The following EFR3B variants were observed in gnomAD, a reference collection of about 807,000 sequenced individuals.
EFR3B encodes protein EFR3 homolog B.
EFR3B carries 64 observed loss-of-function variants against 104.7 expected under a neutral mutation model. The observed-to-expected ratio is 0.61, with a 90% CI of 0.50 to 0.75. EFR3B has a LOEUF of 0.75. Among genes scored for constraint, EFR3B ranks in the 30% least tolerant of loss-of-function variants. The pLI, the probability that EFR3B is intolerant of heterozygous loss-of-function variation, is 0.00. For missense variants in EFR3B, 750 were observed against 1,078.5 expected (o/e 0.70, Z 4.27); for synonymous variants, 385 against 417.9 (o/e 0.92, Z 0.96).
intron 1 of EFR3B, among the ~76,000 whole-genome samples, chr2:25,074,985 G>A (rs541988468): frequency 6.6e-4 from 101 of 152,218 alleles, no homozygotes; most frequent in Non-Finnish European, 1.1e-3. Flanking sequence ...AAAGAAATGC[G>A]CAGAGAGGTC....
chr2:25,107,201 G>T (rs1669588377), intron 4 of EFR3B, among the ~76,000 whole-genome samples: 1 of 152,108 alleles, frequency 6.6e-6, no homozygotes, highest in Non-Finnish European at 1.5e-5. Flanking sequence ...ATTCCAAAGT[G>T]TGGCACCCAG....
intron 1 of EFR3B, among the ~76,000 whole-genome samples, chr2:25,055,472 C>T (rs549255584): frequency 1.1e-4 from 17 of 152,240 alleles, no homozygotes; most frequent in East Asian, 3.9e-4. Context: ...TGGATTCAAA[C>T]GCTAACTGTC....
chr2:25,067,423 T>C (rs1301566978), intron 1 of EFR3B, among the ~76,000 whole-genome samples: 1 of 144,234 alleles, frequency 6.9e-6, no homozygotes, highest in Admixed American at 6.8e-5. Context: ...CTTTTTAGTT[T>C]TTGTTTTTTT....
At chr2:25,049,952 TAAAAAAAAAA>T (rs59279308) in intron 1 of EFR3B, among the ~76,000 whole-genome samples, 1 of 104,868 alleles carries the variant, frequency 9.5e-6, no homozygotes, top group African/African-American at 3.5e-5. Context: ...ACATTTCTAC[TAAAAAAAAAA>T]AAAAAAAAAA....
chr2:25,118,124 C>T (rs574378783), intron 4 of EFR3B, among the ~76,000 whole-genome samples: 5 of 152,234 alleles, frequency 3.3e-5, no homozygotes, highest in East Asian at 1.9e-4. Flanking sequence ...GGATTACAGG[C>T]GCGTACCGCC....
In EFR3B at chr2:25,137,643, C is replaced by A; in HGVS notation, c.1722+141C>A. ...AATATTGTACTCGTGGTTGGCCACG[C>A]CTCCCTGAAGACCCCAAACCATGGT... On this transcript the variant is annotated intron_variant, in intron 15 of 22. Coordinates refer to ENST00000403714, the MANE Select transcript of EFR3B (RefSeq NM_014971.2). The surrounding 1 kb of genome is among the most constrained non-coding windows in gnomAD (Gnocchi z 4.7). 1 of 1,255,168 alleles carries A rather than the reference C, an allele frequency of 8.0e-7. No individual in the cohort carries two copies. The highest frequency in any genetic ancestry group is 1.1e-6 in the Non-Finnish European group (1 of 915,700). The allele number at this position is 1,255,168 out of a possible 1,614,324, so 77.8% of individuals were successfully genotyped here. A position where few individuals can be genotyped will look rare whatever the true frequency, so the allele number is the denominator to read the frequency against.
At chr2:25,103,602 G>A in intron 3 of EFR3B, 35 bp from the exon 4 acceptor site, 1 of 1,537,546 alleles carries the variant, frequency 6.5e-7, no homozygotes, top group Non-Finnish European at 8.8e-7. Flanking sequence ...GGTGGCAGGG[G>A]CGCGGCCAGT....
rs1669796206 is a variant in EFR3B, at chr2:25,114,051, C to T, written c.364-7622C>T. 6.6e-6 allele frequency among the ~76,000 whole-genome samples: 1 copy of T among 152,214 alleles called. No individual in the cohort carries two copies. Among genetic ancestry groups the T allele is most frequent in the Non-Finnish European group, 1.5e-5 (1 of 68,032 alleles). On this transcript the variant is annotated intron_variant, in intron 4 of 22. Transcript: ENST00000403714. The surrounding 1 kb of genome is among the most constrained non-coding windows in gnomAD (Gnocchi z 4.0). ...TTTAAGAGGGAAAAGGGCTTACTCG[C>T]TCTAAAACCGGAGAGTCCCAACCTC... is the stretch of plus-strand genomic sequence containing the variant.
intron 5 of EFR3B, among the ~76,000 whole-genome samples, chr2:25,125,741 G>A (rs893070644): frequency 6.6e-6 from 1 of 152,182 alleles, no homozygotes; most frequent in Non-Finnish European, 1.5e-5. Flanking sequence ...AAGGTCAGCA[G>A]ATCGAGACCA....
In EFR3B at chr2:25,085,654, G is replaced by A. The variant is rs1483526201; in HGVS notation, c.8-5671G>A. On this transcript the variant is annotated intron_variant, in intron 1 of 22. Transcript: ENST00000403714. Reference sequence around the variant, plus strand: ...TAATTTTTGTATTTTTAGTAGAAACGAGATTTCACCATGTTGGCCAGGCTG... The same window carrying A: ...TAATTTTTGTATTTTTAGTAGAAACAAGATTTCACCATGTTGGCCAGGCTG... Among the ~76,000 whole-genome samples, 4 of 151,932 alleles carry A rather than the reference G, an allele frequency of 2.6e-5. No individual in the cohort carries two copies. The South Asian group carries it at 8.3e-4, about 32-fold the overall frequency.
chr2:25,071,992 T>C (rs1177178762), intron 1 of EFR3B, among the ~76,000 whole-genome samples: 1 of 152,208 alleles, frequency 6.6e-6, no homozygotes, highest in Non-Finnish European at 1.5e-5. Context: ...GTTCCTCTTG[T>C]TTCTTACGGC....
chr2:25,079,197 A>G (rs1037417224), intron 1 of EFR3B, among the ~76,000 whole-genome samples: 2 of 152,192 alleles, frequency 1.3e-5, no homozygotes, highest in African/African-American at 4.8e-5. Flanking sequence ...AAGCAAACTA[A>G]ATTAAATATT....
At chr2:25,080,102 C>A (rs1668750327) in intron 1 of EFR3B, 2 of 986,316 alleles carry the variant, frequency 2.0e-6, no homozygotes, top group East Asian at 4.8e-5. Context: ...ATTTCCACAT[C>A]TTTTACTGCC....
rs1670134604 is a variant in EFR3B, at chr2:25,125,350, G to C, written c.486-2833G>C. Among the ~76,000 whole-genome samples the C allele has an allele frequency of 4.6e-5, 7 of 152,362 alleles. 1 individual carries two copies. The South Asian group carries it at 1.4e-3, about 32-fold the overall frequency. On this transcript the variant is annotated intron_variant, in intron 5 of 22. Transcript: ENST00000403714. Reference sequence around the variant, plus strand: ...CACTTGGACGGGACAAACGAGTCCAGCATGCTGGGGATGTGTGTCACTTGT... The same window carrying C: ...CACTTGGACGGGACAAACGAGTCCACCATGCTGGGGATGTGTGTCACTTGT...
intron 4 of EFR3B, among the ~76,000 whole-genome samples, chr2:25,113,448 C>T (rs1669776466): frequency 6.6e-6 from 1 of 152,004 alleles, no homozygotes. Context: ...CACTCCTGAC[C>T]TTGTGGTCAG....
intron 19 of EFR3B, among the ~76,000 whole-genome samples, chr2:25,149,176 C>T (rs948523665): frequency 2.0e-5 from 3 of 151,688 alleles, no homozygotes; most frequent in Admixed American, 1.3e-4. Flanking sequence ...TGGTGAAACC[C>T]GTCTCTACTA....
intron 1 of EFR3B, among the ~76,000 whole-genome samples, chr2:25,061,049 C>T (rs946354902): frequency 6.6e-6 from 1 of 152,118 alleles, no homozygotes. Flanking sequence ...CAGACATATT[C>T]CACAGAAGAG....
rs1008812605 is a variant in EFR3B at position 25,130,457 on chromosome 2, C to T, written c.771-95C>T. ...CCTCACCCGGGAACTGTGCGAGGGG[C>T]TCTGAGAAGGTGTCCCTCTGCCTCC... is the stretch of plus-strand genomic sequence containing the variant. On this transcript the variant is annotated intron_variant, in intron 7 of 22. Transcript: ENST00000403714. The surrounding 1 kb of genome is among the most constrained non-coding windows in gnomAD (Gnocchi z 4.6). The T allele has an allele frequency of 2.8e-5, 31 of 1,113,584 alleles. No individual in the cohort carries two copies. Among genetic ancestry groups the T allele is most frequent in the Non-Finnish European group, 3.6e-5 (27 of 747,944 alleles). The allele number at this position is 1,113,584 out of a possible 1,614,324, so 69.0% of individuals were successfully genotyped here. A position where few individuals can be genotyped will look rare whatever the true frequency, so the allele number is the denominator to read the frequency against.
chr2:25,054,157 T>G (rs1667957184), intron 1 of EFR3B, among the ~76,000 whole-genome samples: 1 of 152,144 alleles, frequency 6.6e-6, no homozygotes. Context: ...GGACATTTGG[T>G]TCATCTTTCC....
Sources: gnomAD v4.1 joint callset for allele counts (sites outside exome capture counted in the v4.1 genomes callset) on GRCh38, gnomAD v4.1.1 for gene constraint, Gnocchi (gnomAD v3.1) non-coding constraint, MANE v1.5 for transcripts, NCBI Gene and HGNC (gene_info 2026-07-23, HGNC 2026-07-21) for gene names.